The following CAST variants were observed in gnomAD, a reference collection of about 807,000 sequenced individuals.
CAST encodes MIR583 host.
Under a neutral mutation model 119.6 loss-of-function variants are expected in CAST, and 76 were observed. The observed-to-expected ratio is 0.64, with a 90% CI of 0.53 to 0.77. The LOEUF is 0.77. CAST is among the 30% of genes least tolerant of loss of function. CAST has a pLI of 0.00. For synonymous variants in CAST, 319 were observed against 331.6 expected (o/e 0.96, Z 0.41); for missense variants, 953 against 946.5 (o/e 1.01, Z -0.09).
chr5:96,223,006 C>G, the CAST span, among the ~76,000 whole-genome samples: 1 of 152,170 alleles, frequency 6.6e-6, no homozygotes, highest in East Asian at 1.9e-4. Context: ...ATAAACCAGG[C>G]ATGGAAAGAC....
chr5:96,722,552 G>C (rs1227438666), intron 3 of CAST, 87 bp from the exon 4 acceptor site: 4 of 996,526 alleles, frequency 4.0e-6, no homozygotes, highest in Admixed American at 3.5e-5. Flanking sequence ...AAAGGGCCAA[G>C]GGCAGTATGG....
intron 1 of CAST, among the ~76,000 whole-genome samples, chr5:96,539,392 A>C (rs1745875211): frequency 6.6e-6 from 1 of 152,184 alleles, no homozygotes; most frequent in Admixed American, 6.5e-5. Context: ...GTGAAGTGAC[A>C]GTTTTTATTC....
chr5:96,231,029 G>A, the CAST span, among the ~76,000 whole-genome samples: 2 of 152,048 alleles, frequency 1.3e-5, no homozygotes, highest in Non-Finnish European at 2.9e-5. Context: ...ATACTTTCCC[G>A]GTGGGAAAAA....
intron 2 of CAST, among the ~76,000 whole-genome samples, chr5:96,689,944 G>A (rs1258261253): frequency 2.0e-5 from 3 of 152,062 alleles, no homozygotes; most frequent in African/African-American, 7.2e-5. Context: ...CCATGATGTA[G>A]GTATAGCTAT....
chr5:96,694,099 C>T (rs1413771276), intron 2 of CAST, among the ~76,000 whole-genome samples: 1 of 152,128 alleles, frequency 6.6e-6, no homozygotes. Flanking sequence ...GTTCAAACTT[C>T]CATGGCATGC....
the CAST span, among the ~76,000 whole-genome samples, chr5:96,440,850 G>T: frequency 6.6e-6 from 1 of 152,200 alleles, no homozygotes; most frequent in Non-Finnish European, 1.5e-5. Context: ...TGCAAAGCTA[G>T]TTAAGAGTCG....
At chr5:96,474,306 C>T in the CAST span, among the ~76,000 whole-genome samples, 1 of 152,080 alleles carries the variant, frequency 6.6e-6, no homozygotes, top group Admixed American at 6.6e-5. Context: ...ACACACAGAA[C>T]ACCACTGCTA....
At chr5:96,502,788 T>C in the CAST span, among the ~76,000 whole-genome samples, 3 of 152,142 alleles carry the variant, frequency 2.0e-5, no homozygotes, top group Non-Finnish European at 4.4e-5. Context: ...TAAAAGACTA[T>C]GGAAATTTTT....
intron 1 of CAST, among the ~76,000 whole-genome samples, chr5:96,555,785 C>T (rs2150183202): frequency 6.6e-6 from 1 of 152,352 alleles, no homozygotes; most frequent in African/African-American, 2.4e-5. Flanking sequence ...CCTCTGTAGA[C>T]TCCACCTCTA....
chr5:96,481,870 A>G, the CAST span, among the ~76,000 whole-genome samples: 1 of 152,300 alleles, frequency 6.6e-6, no homozygotes, highest in South Asian at 2.1e-4. Flanking sequence ...AAAGTATTAT[A>G]CCAATAAAAA....
the CAST span, among the ~76,000 whole-genome samples, chr5:96,141,452 C>A: frequency 6.6e-6 from 1 of 152,188 alleles, no homozygotes; most frequent in African/African-American, 2.4e-5. Context: ...GCTAAAAGTT[C>A]ATCCTTTCCC....
chr5:96,435,178 G>A, the CAST span, among the ~76,000 whole-genome samples: 1 of 152,216 alleles, frequency 6.6e-6, no homozygotes, highest in Non-Finnish European at 1.5e-5. Flanking sequence ...GTCAGAGGAG[G>A]AACATATTTG....
upstream of CAST, among the ~76,000 whole-genome samples, chr5:96,525,116 G>A (rs1268897151): frequency 6.6e-6 from 1 of 152,202 alleles, no homozygotes; most frequent in Non-Finnish European, 1.5e-5. Context: ...TCTGTGACAT[G>A]GATCACAGGT....
the CAST span, chr5:96,421,927 A>G: frequency 1.9e-6 from 3 of 1,573,260 alleles, no homozygotes; most frequent in African/African-American, 1.4e-5. Context: ...CATGGTCATT[A>G]TCATTAAAAT....
chr5:96,003,925 A>G, the CAST span, among the ~76,000 whole-genome samples: 4 of 152,248 alleles, frequency 2.6e-5, no homozygotes, highest in Admixed American at 6.5e-5. Context: ...CGTTTTAAAT[A>G]GCAAGTCCAA....
chr5:95,976,827 T>C, the CAST span, among the ~76,000 whole-genome samples: 6 of 152,214 alleles, frequency 3.9e-5, no homozygotes, highest in Admixed American at 2.6e-4. Context: ...TGAATAAATA[T>C]TTTTTAACTT....
chr5:96,658,888 T>C (rs1345029042), upstream of CAST, among the ~76,000 whole-genome samples: 1 of 152,066 alleles, frequency 6.6e-6, no homozygotes. Flanking sequence ...AAAACTCTTA[T>C]GCTTTACCCA....
chr5:96,557,325 C>T (rs1746262765), intron 1 of CAST, among the ~76,000 whole-genome samples: 3 of 152,024 alleles, frequency 2.0e-5, no homozygotes, highest in Admixed American at 1.3e-4. Flanking sequence ...AACCAGCTAA[C>T]ATCATAATGA....
chr5:96,406,115 T>C, the CAST span, among the ~76,000 whole-genome samples: 1 of 152,132 alleles, frequency 6.6e-6, no homozygotes, highest in African/African-American at 2.4e-5. Flanking sequence ...ACATTTTCAA[T>C]CTCAACTCTG....
Sources: allele counts gnomAD v4.1 joint callset (sites outside exome capture counted in the v4.1 genomes callset), GRCh38; gene constraint gnomAD v4.1.1; transcripts MANE v1.5; gene names NCBI Gene and HGNC (gene_info 2026-07-23, HGNC 2026-07-21).